The following ASH1L variants were observed in gnomAD, a reference collection of about 807,000 sequenced individuals.
ASH1L encodes the protein histone-lysine N-methyltransferase ASH1L.
ASH1L carries 23 observed loss-of-function variants against 269.0 expected under a neutral mutation model. The ratio of observed to expected loss-of-function variants is 0.09; its 90% CI spans 0.06 to 0.12. The LOEUF is 0.12. Among genes scored for constraint, ASH1L ranks in the 10% least tolerant of loss-of-function variants. The probability of loss-of-function intolerance (pLI) is 1.00; values close to 1 mark genes in which losing one functional copy is unlikely to be tolerated. For missense variants in ASH1L, 2,912 were observed against 3,567.8 expected (o/e 0.82, Z 4.68); for synonymous variants, 1,187 against 1,253.5 (o/e 0.95, Z 1.12).
intron 4 of ASH1L, among the ~76,000 whole-genome samples, chr1:155,443,904 T>C (rs987764007): frequency 2.6e-5 from 4 of 151,920 alleles, no homozygotes; most frequent in African/African-American, 4.8e-5. Flanking sequence ...CCTATGAACA[T>C]GTGTGCACAT....
rs571635595 is a variant in ASH1L at position 155,404,051 on chromosome 1, C to T, written c.6009-8498G>A. 3.2e-3 allele frequency among the ~76,000 whole-genome samples: 472 copies of T among 145,352 alleles called. 3 individuals are homozygous for T. Among genetic ancestry groups the T allele is most frequent in the African/African-American group, 0.012 (455 of 39,172 alleles). On this transcript the variant is annotated intron_variant, in intron 6 of 27. Coordinates refer to ENST00000392403, the MANE Select transcript of ASH1L (RefSeq NM_018489.3). ...AGCCTGGGCAACAAGAACGAAACTC[C>T]GTCTCAAAAAAAAAAAAAAAAAGGA...
In ASH1L at chr1:155,336,360, T is replaced by TACAC. The variant is rs148726843; in HGVS notation, c.*1296_*1299dup. 0.99 allele frequency: 148,267 copies of TACAC among 149,828 alleles called. 73,392 individuals are homozygous for TACAC. Among genetic ancestry groups the TACAC allele is most frequent in the Middle Eastern group, 1 (290 of 290 alleles). 9.3% of individuals were successfully genotyped at this position (149,828 alleles called of 1,614,324 possible). A position where few individuals can be genotyped will look rare whatever the true frequency, so the allele number is the denominator to read the frequency against. On this transcript the variant is annotated 3_prime_UTR_variant, in exon 28 of 28. Coordinates refer to ENST00000392403, the MANE Select transcript of ASH1L (RefSeq NM_018489.3). ...GTGTGTGTGTGTGTGTGTATATATA[T>TACAC]ACACACACACATATATATATACACA...
At chr1:155,349,822 A>G (rs975432482) in intron 17 of ASH1L, among the ~76,000 whole-genome samples, 1 of 143,124 alleles carries the variant, frequency 7.0e-6, no homozygotes, top group Non-Finnish European at 1.5e-5. Flanking sequence ...AGTTCAAGCG[A>G]TTCTCCTGCC....
chr1:155,469,139 T>C (rs898252116), intron 3 of ASH1L, among the ~76,000 whole-genome samples: 3 of 151,946 alleles, frequency 2.0e-5, no homozygotes, highest in African/African-American at 4.8e-5. Context: ...TTTCAGTACT[T>C]ACCTAACCAA....
In ASH1L at chr1:155,370,963, G is replaced by C; in HGVS notation, c.6353C>G (p.Ser2118Cys). 6.2e-7 allele frequency: 1 copy of C among 1,614,042 alleles called. No individual in the cohort carries two copies. The highest frequency in any genetic ancestry group is 1.1e-5 in the South Asian group (1 of 91,076). The change falls in exon 11 of 28, where the codon TCC becomes TGC. Residue 2118 changes from serine (S) to cysteine (C), a missense_variant. Physicochemically the swap from Ser to Cys is moderately radical, Grantham distance 112 (BLOSUM62 -1). Transcript: ENST00000392403. ...CLNRMIFAEC[S>C]PNTCPCGEQC... ...CTCGCCACATGGGCAAGTGTTGGGG[G>C]AACACTCAGCAAAGATCATTCTAGA... is the stretch of plus-strand genomic sequence containing the variant.
At chr1:155,410,790 G>A (rs536615184) in intron 6 of ASH1L, among the ~76,000 whole-genome samples, 5 of 150,898 alleles carry the variant, frequency 3.3e-5, no homozygotes, top group Non-Finnish European at 7.4e-5. Context: ...ATTTTTAGTA[G>A]AGACAAGGTC....
chr1:155,483,045 T>G (rs1408141900), intron 2 of ASH1L, among the ~76,000 whole-genome samples: 1 of 152,192 alleles, frequency 6.6e-6, no homozygotes, highest in African/African-American at 2.4e-5. Context: ...TGTGTTTTTA[T>G]ATAAAATCTT....
Position 155,430,501 on chromosome 1 carries a change from T to C in ASH1L, c.5828+7826A>G, listed in dbSNP as rs540019538. ...AAAATTGTATTTTTCTAGGAACATG[T>C]CCATTTCAACAGTTTTCCCATTTGA... On this transcript the variant is annotated intron_variant, in intron 5 of 27. Transcript: ENST00000392403. Among the ~76,000 whole-genome samples, 22 of 152,332 alleles carry C rather than the reference T, an allele frequency of 1.4e-4. No individual in the cohort carries two copies. In the South Asian group the frequency reaches 4.6e-3, roughly 32 times the overall value.
At chr1:155,439,499 A>T (rs1662370787) in intron 4 of ASH1L, among the ~76,000 whole-genome samples, 1 of 152,148 alleles carries the variant, frequency 6.6e-6, no homozygotes, top group Non-Finnish European at 1.5e-5. Flanking sequence ...GGAATTCGAG[A>T]TCAACCTAAG....
intron 6 of ASH1L, chr1:155,396,309 T>A (rs1658342440): frequency 6.6e-6 from 1 of 152,074 alleles, no homozygotes; most frequent in Non-Finnish European, 1.5e-5. Flanking sequence ...AAAGTTCCAA[T>A]TAATTCTTTT....
At chr1:155,396,464 G>C (rs112839961) in intron 6 of ASH1L, 2 of 151,824 alleles carry the variant, frequency 1.3e-5, no homozygotes, top group African/African-American at 4.8e-5. Flanking sequence ...ACAGGCATGC[G>C]GCACCACGCC....
At chr1:155,399,561 C>T (rs1252065152) in intron 6 of ASH1L, among the ~76,000 whole-genome samples, 2 of 151,992 alleles carry the variant, frequency 1.3e-5, no homozygotes, top group Non-Finnish European at 2.9e-5. Context: ...ACTGCTTGAA[C>T]ACAGGAGACA....
chr1:155,459,982 C>T (rs1324916122), intron 3 of ASH1L, 84 bp from the exon 4 acceptor site: 11 of 1,067,494 alleles, frequency 1.0e-5, no homozygotes, highest in Non-Finnish European at 1.1e-5. Context: ...GAACTTGTTA[C>T]AGTTTAGTTG....
intron 3 of ASH1L, among the ~76,000 whole-genome samples, chr1:155,460,400 G>C (rs1664205145): frequency 6.6e-6 from 1 of 152,282 alleles, no homozygotes; most frequent in African/African-American, 2.4e-5. Context: ...ACAAGGTCAA[G>C]AGTTTGAGAC....
chr1:155,558,576 C>T (rs902195482), intron 1 of ASH1L, among the ~76,000 whole-genome samples: 1 of 152,114 alleles, frequency 6.6e-6, no homozygotes, highest in African/African-American at 2.4e-5. Flanking sequence ...CAGTGTTTCA[C>T]GCTATTGCCC....
At chr1:155,508,205 T>C (rs1307842597) in intron 2 of ASH1L, among the ~76,000 whole-genome samples, 3 of 152,182 alleles carry the variant, frequency 2.0e-5, no homozygotes, top group Admixed American at 1.3e-4. Flanking sequence ...GAAAAATGAA[T>C]GTACCATTCT....
chr1:155,437,949 A>C (rs1254798919), intron 5 of ASH1L, among the ~76,000 whole-genome samples: 2 of 152,134 alleles, frequency 1.3e-5, no homozygotes, highest in Admixed American at 6.6e-5. Context: ...CCTGGATTCA[A>C]GCAATTCTCC....
At chr1:155,413,288 T>C (rs938094070) in intron 6 of ASH1L, among the ~76,000 whole-genome samples, 1 of 152,188 alleles carries the variant, frequency 6.6e-6, no homozygotes, top group African/African-American at 2.4e-5. Context: ...TTTATATAAA[T>C]GCGGGTTTGA....
At chr1:155,454,481 A>G (rs1237499824) in intron 4 of ASH1L, among the ~76,000 whole-genome samples, 1 of 152,144 alleles carries the variant, frequency 6.6e-6, no homozygotes, top group East Asian at 1.9e-4. Flanking sequence ...GAATAATACT[A>G]TACAGGTCAG....
Sources: gnomAD v4.1 joint callset for allele counts (sites outside exome capture counted in the v4.1 genomes callset) on GRCh38, gnomAD v4.1.1 for gene constraint, MANE v1.5 for transcripts, NCBI Gene and HGNC (gene_info 2026-07-23, HGNC 2026-07-21) for gene names.